Variants in MSI2 observed in about 807,000 individuals in gnomAD.
The protein encoded by MSI2 is musashi RNA binding protein 2, also known as RNA-binding protein Musashi homolog 2.
MSI2 carries 17 observed loss-of-function variants against 45.6 expected under a neutral mutation model. The observed-to-expected ratio is 0.37, with a 90% CI of 0.26 to 0.56. The LOEUF (loss-of-function observed/expected upper bound fraction) is 0.56. Among genes scored for constraint, MSI2 ranks in the 20% least tolerant of loss-of-function variants. The pLI, the probability that MSI2 is intolerant of heterozygous loss-of-function variation, is 0.77. For missense variants in MSI2, 293 were observed against 444.2 expected, an observed-to-expected ratio of 0.66 and a Z score of 3.06; for synonymous variants, 156 against 158.2, an observed-to-expected ratio of 0.99 and a Z score of 0.11.
intron 11 of MSI2, among the ~76,000 whole-genome samples, chr17:57,662,752 G>A (rs1912076905): frequency 6.6e-6 from 1 of 152,160 alleles, no homozygotes; most frequent in East Asian, 1.9e-4. Flanking sequence ...AATCATTTAC[G>A]AGTGGCCTCA....
At chr17:57,618,056 G>A (rs1248903517) in intron 9 of MSI2, 1 of 144,066 alleles carries the variant, frequency 6.9e-6, no homozygotes, top group East Asian at 2.4e-4. Context: ...GGGTGACAGA[G>A]TGAGACTCTG....
At chr17:57,661,766 C>A (rs1313204134) in intron 11 of MSI2, among the ~76,000 whole-genome samples, 1 of 152,166 alleles carries the variant, frequency 6.6e-6, no homozygotes, top group African/African-American at 2.4e-5. Flanking sequence ...CTTGAGGTGG[C>A]CACTGTCCCC....
chr17:57,657,180 T>C (rs761788451), intron 11 of MSI2, among the ~76,000 whole-genome samples: 1 of 152,162 alleles, frequency 6.6e-6, no homozygotes, highest in Non-Finnish European at 1.5e-5. Flanking sequence ...GAATGTACCA[T>C]GCTGTGGAAA....
chr17:57,582,886 T>G (rs2088241764), intron 7 of MSI2, among the ~76,000 whole-genome samples: 1 of 152,258 alleles, frequency 6.6e-6, no homozygotes, highest in Non-Finnish European at 1.5e-5. Flanking sequence ...AGAGCTTTTG[T>G]AGATGACCTA....
chr17:57,303,960 G>T (rs1911638244), intron 5 of MSI2, among the ~76,000 whole-genome samples: 1 of 152,164 alleles, frequency 6.6e-6, no homozygotes, highest in African/African-American at 2.4e-5. Context: ...GGGAGGACCT[G>T]AATTACTAGA....
intron 5 of MSI2, among the ~76,000 whole-genome samples, chr17:57,272,899 A>G (rs1272485502): frequency 6.6e-6 from 1 of 152,214 alleles, no homozygotes; most frequent in African/African-American, 2.4e-5. Flanking sequence ...GTGTGTATTT[A>G]CTGATACACT....
At position 57,683,892 on chromosome 17, in the gene MSI2, A is replaced by G; in HGVS notation, c.*4375A>G. 1 of 231,574 alleles carries G rather than the reference A, an allele frequency of 4.3e-6. No individual in the cohort carries two copies. The highest frequency in any genetic ancestry group is 2.2e-5 in the African/African-American group (1 of 45,342). 14.3% of individuals were successfully genotyped at this position (231,574 alleles called of 1,614,324 possible). A position where few individuals can be genotyped will look rare whatever the true frequency, so the allele number is the denominator to read the frequency against. On this transcript the variant is annotated 3_prime_UTR_variant, in exon 14 of 14. Transcript: ENST00000284073. The surrounding 1 kb of genome is among the most constrained non-coding windows in gnomAD (Gnocchi z 5.2). ...ACAAGGAGACGCTGGAAGTTAAGCAATACTTTAATACTGTAATATGTTTGT... is the reference window on the plus strand; with the variant it reads ...ACAAGGAGACGCTGGAAGTTAAGCAGTACTTTAATACTGTAATATGTTTGT...
At chr17:57,469,155 G>A (rs2085387196) in intron 6 of MSI2, among the ~76,000 whole-genome samples, 1 of 152,164 alleles carries the variant, frequency 6.6e-6, no homozygotes. Context: ...TGGCCTTGTT[G>A]GCTCAGAGGA....
chr17:57,301,691 C>T (rs955526293), intron 5 of MSI2, among the ~76,000 whole-genome samples: 22 of 152,060 alleles, frequency 1.4e-4, no homozygotes, highest in Non-Finnish European at 4.4e-5. Context: ...GAATGGGCCA[C>T]CCCTTGTCTT....
chr17:57,288,731 A>G (rs1910133709), intron 5 of MSI2, among the ~76,000 whole-genome samples: 3 of 152,062 alleles, frequency 2.0e-5, no homozygotes, highest in African/African-American at 7.2e-5. Flanking sequence ...GAAGGCTGGG[A>G]GTGTGAGCGT....
chr17:57,673,462 G>A (rs1265176150), intron 11 of MSI2, among the ~76,000 whole-genome samples: 2 of 152,256 alleles, frequency 1.3e-5, no homozygotes, highest in African/African-American at 4.8e-5. Flanking sequence ...AGCCAAAGAT[G>A]TGAAAGTGTG....
chr17:57,275,845 C>G (rs1908797853), intron 5 of MSI2, among the ~76,000 whole-genome samples: 1 of 152,180 alleles, frequency 6.6e-6, no homozygotes, highest in Admixed American at 6.5e-5. Flanking sequence ...GATCACTAGG[C>G]TATGAAGCAG....
At chr17:57,622,129 T>C (rs1908349980) in intron 9 of MSI2, among the ~76,000 whole-genome samples, 2 of 152,190 alleles carry the variant, frequency 1.3e-5, no homozygotes, top group African/African-American at 4.8e-5. Context: ...CCCGGGAGGC[T>C]GAGGTTGCAG....
chr17:57,567,093 T>G (rs1311255972), intron 7 of MSI2, among the ~76,000 whole-genome samples: 3 of 152,180 alleles, frequency 2.0e-5, no homozygotes, highest in Non-Finnish European at 2.9e-5. Flanking sequence ...GAAGGGTCTA[T>G]TCCAGACAAT....
chr17:57,382,657 A>T (rs1408428813), intron 5 of MSI2, among the ~76,000 whole-genome samples: 6 of 152,180 alleles, frequency 3.9e-5, no homozygotes, highest in African/African-American at 1.4e-4. Flanking sequence ...GGCTCTGCAG[A>T]TACCCTGCCT....
intron 6 of MSI2, chr17:57,523,625 C>A (rs777084501): frequency 6.6e-6 from 1 of 152,226 alleles, no homozygotes; most frequent in Non-Finnish European, 1.5e-5. Flanking sequence ...TTTCTCTTGG[C>A]GCTTCTAGGA....
At chr17:57,632,098 C>A in intron 10 of MSI2, 1 of 1,266,540 alleles carries the variant, frequency 7.9e-7, no homozygotes, top group Non-Finnish European at 9.9e-7. Context: ...CAGAATGTAA[C>A]GGGGCCAGAG....
At chr17:57,479,619 G>T (rs946556412) in intron 6 of MSI2, among the ~76,000 whole-genome samples, 11 of 152,186 alleles carry the variant, frequency 7.2e-5, no homozygotes, top group African/African-American at 2.7e-4. Context: ...TAGAAATTCT[G>T]GTTCTCAAGT....
At chr17:57,575,037 A>G (rs566420859) in intron 7 of MSI2, among the ~76,000 whole-genome samples, 25 of 152,030 alleles carry the variant, frequency 1.6e-4, no homozygotes, top group South Asian at 6.2e-4. Context: ...TCACTGTGTT[A>G]GCCAGGATGG....
Sources: gnomAD v4.1 joint callset for allele counts (sites outside exome capture counted in the v4.1 genomes callset) on GRCh38, gnomAD v4.1.1 for gene constraint, Gnocchi (gnomAD v3.1) non-coding constraint, MANE v1.5 for transcripts, NCBI Gene and HGNC (gene_info 2026-07-23, HGNC 2026-07-21) for gene names.